The following KIF18B variants were observed in gnomAD, a reference collection of about 807,000 sequenced individuals.
The protein encoded by KIF18B is kinesin family member 18B.
KIF18B carries 49 observed loss-of-function variants against 80.9 expected under a neutral mutation model. The ratio of observed to expected loss-of-function variants is 0.61; its 90% CI spans 0.48 to 0.77. KIF18B has a LOEUF of 0.77. KIF18B is among the 30% of genes least tolerant of loss of function. The pLI, the probability that KIF18B is intolerant of heterozygous loss-of-function variation, is 0.00. For synonymous variants in KIF18B, 439 were observed against 463.9 expected, an observed-to-expected ratio of 0.95 and a Z score of 0.69; for missense variants, 994 against 1,127.7, an observed-to-expected ratio of 0.88 and a Z score of 1.70.
intron 7 of KIF18B, 118 bp downstream of exon 7, chr17:44,933,805 C>T: frequency 9.8e-7 from 1 of 1,016,948 alleles, no homozygotes; most frequent in Non-Finnish European, 1.4e-6. Flanking sequence ...GAGGAACTTC[C>T]TTCCTCTGCC....
In KIF18B at chr17:44,932,092, C is replaced by T. The variant is rs761841829; in HGVS notation, c.1353G>A (p.Gln451=). 5 of 1,613,762 alleles carry T rather than the reference C, an allele frequency of 3.1e-6. No individual in the cohort carries two copies. Among genetic ancestry groups the T allele is most frequent in the Non-Finnish European group, 4.2e-6 (5 of 1,179,786 alleles). Reference sequence around the variant, plus strand: ...GGCCTTCATCCTCATCCTCTGGGGACTGCTCCTGGTCTGAAGAGTTCCCTT... The same window carrying T: ...GGCCTTCATCCTCATCCTCTGGGGATTGCTCCTGGTCTGAAGAGTTCCCTT... ...AMEGNSSDQE[Q]SPEDEDEGPA... The change falls in exon 10 of 16, where the codon CAG becomes CAA. Residue 451 remains glutamine (Q), a synonymous_variant. Transcript: ENST00000593135.
intron 1 of KIF18B, among the ~76,000 whole-genome samples, chr17:44,947,113 C>CAAA (rs57955845): frequency 0.034 from 1,834 of 53,900 alleles, 86 homozygotes; most frequent in Middle Eastern, 0.05. Context: ...ACTCCATCTC[C>CAAA]AAAAAAAAAA....
chr17:44,947,441 G>C (rs1167524035), intron 1 of KIF18B, among the ~76,000 whole-genome samples, 187 bp downstream of exon 1: 1 of 152,100 alleles, frequency 6.6e-6, no homozygotes, highest in African/African-American at 2.4e-5. Context: ...TTCCCGCCCA[G>C]TTTAAAGGGG....
Position 44,936,019 on chromosome 17 carries a change from C to A in KIF18B, c.313+13G>T. 6.2e-7 allele frequency: 1 copy of A among 1,612,640 alleles called. No individual in the cohort carries two copies. On this transcript the variant is annotated intron_variant, in intron 2 of 15. Transcript: ENST00000593135. ...GAGGCCAGGCCACTGCCAGGCAGGG[C>A]TGAGGTTCTCACCTGAGCAGTTGTA...
At chr17:44,945,048 C>T (rs2052486223) in intron 1 of KIF18B, among the ~76,000 whole-genome samples, 1 of 152,142 alleles carries the variant, frequency 6.6e-6, no homozygotes, top group East Asian at 1.9e-4. Flanking sequence ...AACTCTATTT[C>T]ATTGATTCTG....
chr17:44,927,049 C>T lies in KIF18B; in HGVS notation c.2306G>A (p.Gly769Asp), dbSNP rs1459555453. Residue 769 changes from glycine to aspartate, a missense_variant, in exon 14 of 16, where the codon GGC becomes GAC. Physicochemically the swap from Gly to Asp is moderately conservative, Grantham distance 94. Coordinates refer to ENST00000593135, the MANE Select transcript of KIF18B (RefSeq NM_001265577.2). This position sits in a 1 kb window ranked among gnomAD's most constrained non-coding sequence, Gnocchi z 4.1. ...RAPVPLFTMK[G>D]PKPTSSLPGT... is the part of the protein sequence containing the mutation. ...AGGGAGGGAAGATGTTGGCTTGGGG[C>T]CCTTCATGGTGAACAGGGGCACAGG... 6 of 1,612,286 alleles carry T rather than the reference C, an allele frequency of 3.7e-6. No homozygotes were observed. The highest frequency in any genetic ancestry group is 3.4e-6 in the Non-Finnish European group (4 of 1,179,244).
At chr17:44,944,046 G>A (rs2052467548) in intron 1 of KIF18B, among the ~76,000 whole-genome samples, 1 of 152,114 alleles carries the variant, frequency 6.6e-6, no homozygotes, top group African/African-American at 2.4e-5. Flanking sequence ...TGCCTAATGG[G>A]ATATGTTTGC....
intron 11 of KIF18B, among the ~76,000 whole-genome samples, chr17:44,930,928 C>A (rs1255239259): frequency 6.6e-6 from 1 of 152,128 alleles, no homozygotes; most frequent in Non-Finnish European, 1.5e-5. Context: ...CACTCCCCAA[C>A]AAGAAATAAA....
At chr17:44,932,270 C>G in intron 9 of KIF18B, 64 bp from the exon 10 acceptor site, 1 of 1,510,538 alleles carries the variant, frequency 6.6e-7, no homozygotes, top group South Asian at 1.3e-5. Flanking sequence ...GTTTGAGAGG[C>G]AGGATGTGGG....
intron 1 of KIF18B, among the ~76,000 whole-genome samples, chr17:44,943,828 A>T (rs1255529524): frequency 6.6e-6 from 1 of 151,874 alleles, no homozygotes; most frequent in Non-Finnish European, 1.5e-5. Context: ...CCACTTCATC[A>T]TGTCACCTAC....
At chr17:44,944,780 A>G (rs2052481781) in intron 1 of KIF18B, among the ~76,000 whole-genome samples, 1 of 152,148 alleles carries the variant, frequency 6.6e-6, no homozygotes, top group Non-Finnish European at 1.5e-5. Flanking sequence ...ATCTAGTCAA[A>G]ATTTCCATAA....
At chr17:44,928,667 C>T (rs1813740909) in intron 12 of KIF18B, 89 bp from the exon 13 acceptor site, 1 of 1,382,334 alleles carries the variant, frequency 7.2e-7, no homozygotes, top group Admixed American at 2.8e-5. Flanking sequence ...TCTCCTGGGG[C>T]CTCTCTGTGT....
intron 1 of KIF18B, among the ~76,000 whole-genome samples, chr17:44,938,266 T>C (rs1001534302): frequency 6.6e-6 from 1 of 152,236 alleles, no homozygotes; most frequent in Non-Finnish European, 1.5e-5. Flanking sequence ...TCTGCCCACC[T>C]TGGCCTCCCA....
intron 2 of KIF18B, 37 bp from the exon 3 acceptor site, chr17:44,935,453 C>G: frequency 6.4e-7 from 1 of 1,555,740 alleles, no homozygotes; most frequent in Non-Finnish European, 8.7e-7. Flanking sequence ...ACCCCAGTGC[C>G]TTGCCACCCA....
intron 10 of KIF18B, 116 bp downstream of exon 10, chr17:44,931,940 G>T: frequency 8.0e-7 from 1 of 1,245,692 alleles, no homozygotes. Context: ...TAAGGTGCAA[G>T]ACATCCACAT....
chr17:44,947,519 C>A (rs903615471), intron 1 of KIF18B, 109 bp downstream of exon 1: 5 of 152,364 alleles, frequency 3.3e-5, no homozygotes, highest in African/African-American at 1.2e-4. Context: ...TGACGTCCAG[C>A]ACAAAAGAGG....
At chr17:44,931,056 G>C (rs1187759128) in intron 11 of KIF18B, among the ~76,000 whole-genome samples, 1 of 152,108 alleles carries the variant, frequency 6.6e-6, no homozygotes, top group Non-Finnish European at 1.5e-5. Flanking sequence ...TAGGAACTAG[G>C]GGCCAAGGAG....
Position 44,928,575 on chromosome 17 carries a change from G to A in KIF18B, c.1727C>T (p.Pro576Leu). Residue 576 changes from proline to leucine, a missense_variant, in exon 13 of 16, where the codon CCT becomes CTT. By Grantham distance (98) the Pro-to-Leu change is moderately conservative (BLOSUM62 -3). Coordinates refer to ENST00000593135, the MANE Select transcript of KIF18B (RefSeq NM_001265577.2). ...CTCTGGGCAGAGAGGAGACGGCACAGGGACTGCACAGAAGGAAGGAGAGTT... is the reference window on the plus strand; with the variant it reads ...CTCTGGGCAGAGAGGAGACGGCACAAGGACTGCACAGAAGGAAGGAGAGTT... ...LAQELCSESIPVPSPLCPEPP... is the reference protein window; with the variant it reads ...LAQELCSESILVPSPLCPEPP... 1.4e-6 allele frequency: 2 copies of A among 1,449,308 alleles called. No individual in the cohort carries two copies. Among genetic ancestry groups the A allele is most frequent in the Middle Eastern group, 1.8e-4 (1 of 5,558 alleles). The allele number at this position is 1,449,308 out of a possible 1,614,324, so 89.8% of individuals were successfully genotyped here.
Position 44,927,723 on chromosome 17 carries a change from C to G in KIF18B, c.2276+303G>C, listed in dbSNP as rs2052058942. ...ACAGAAGTGTTGGGTTCCCCTAGTA[C>G]ATTCTTGTTCCCTGCTGACTCTTTC... On this transcript the variant is annotated intron_variant, in intron 13 of 15. Transcript: ENST00000593135. This position sits in a 1 kb window ranked among gnomAD's most constrained non-coding sequence, Gnocchi z 4.1. Among the ~76,000 whole-genome samples the G allele has an allele frequency of 6.6e-6, 1 of 152,226 alleles. No individual in the cohort carries two copies. The highest frequency in any genetic ancestry group is 2.1e-4 in the South Asian group (1 of 4,830).
Sources: gnomAD v4.1 joint callset for allele counts (sites outside exome capture counted in the v4.1 genomes callset) on GRCh38, gnomAD v4.1.1 for gene constraint, Gnocchi (gnomAD v3.1) non-coding constraint, MANE v1.5 for transcripts, NCBI Gene and HGNC (gene_info 2026-07-23, HGNC 2026-07-21) for gene names.